Variants in DHX57 observed in about 807,000 individuals in gnomAD.
DHX57 encodes the protein putative ATP-dependent RNA helicase DHX57.
Under a neutral mutation model 156.2 loss-of-function variants are expected in DHX57, and 105 were observed. That is an observed-to-expected ratio of 0.67 (90% CI 0.57 to 0.79). The LOEUF is 0.79. Among genes scored for constraint, DHX57 ranks in the 30% least tolerant of loss-of-function variants. DHX57 has a pLI of 0.00. For missense variants in DHX57, 1,847 were observed against 1,661.9 expected (o/e 1.11, Z -1.94); for synonymous variants, 704 against 595.6 (o/e 1.18, Z -2.65).
intron 13 of DHX57, among the ~76,000 whole-genome samples, chr2:38,830,666 C>A (rs1671334219): frequency 6.6e-6 from 1 of 151,810 alleles, no homozygotes; most frequent in South Asian, 2.1e-4. Context: ...AGTACCCCTA[C>A]TAGTGACTCA....
intron 13 of DHX57, among the ~76,000 whole-genome samples, chr2:38,832,549 ATATTT>A (rs1193032077): frequency 2.7e-4 from 6 of 21,820 alleles, no homozygotes; most frequent in South Asian, 2.0e-3. Flanking sequence ...ATATATATAT[ATATTT>A]TTTTTTTTAG....
Position 38,801,625 on chromosome 2 carries a change from C to T in DHX57, c.4017+1090G>A, listed in dbSNP as rs147245818. ...ATTCATTTTTTTGAGATGGAGTTTC[C>T]CTCTTGTTGCTCAGGCTGGAGTGCA... On this transcript the variant is annotated intron_variant, in intron 23 of 23. Transcript: ENST00000457308. Among the ~76,000 whole-genome samples the T allele has an allele frequency of 3.3e-3, 504 of 150,494 alleles. 1 individual carries two copies. Among genetic ancestry groups the T allele is most frequent in the African/African-American group, 0.012 (480 of 40,904 alleles).
chr2:38,844,688 T>A (rs1190459782), intron 11 of DHX57, among the ~76,000 whole-genome samples: 3 of 124,530 alleles, frequency 2.4e-5, no homozygotes, highest in Admixed American at 7.9e-5. Context: ...AAAGAAATGA[T>A]TAATTTTTAA....
Position 38,848,261 on chromosome 2 carries a change from T to C in DHX57, c.2164+8A>G. On this transcript the variant is annotated splice_region_variant and intron_variant, in intron 10 of 23. Transcript: ENST00000457308. Reference sequence around the variant, plus strand: ...AATGATACATATTTAATGATGCATTTTATTCACCTGGTATAGTAATAACGG... The same window carrying C: ...AATGATACATATTTAATGATGCATTCTATTCACCTGGTATAGTAATAACGG... The C allele has an allele frequency of 6.3e-7, 1 of 1,575,850 alleles. No individual in the cohort carries two copies. Among genetic ancestry groups the C allele is most frequent in the Non-Finnish European group, 8.6e-7 (1 of 1,165,910 alleles).
At chr2:38,837,266 A>G (rs564370770) in intron 13 of DHX57, among the ~76,000 whole-genome samples, 1 of 152,242 alleles carries the variant, frequency 6.6e-6, no homozygotes, top group Admixed American at 6.5e-5. Flanking sequence ...GTTTTACATA[A>G]CAGGATTTAT....
intron 1 of DHX57, among the ~76,000 whole-genome samples, chr2:38,873,584 A>C (rs1399997331): frequency 1.3e-5 from 2 of 152,222 alleles, no homozygotes; most frequent in East Asian, 1.9e-4. Flanking sequence ...ATATGGTAGG[A>C]ATTCAGTATC....
At chr2:38,844,094 C>G (rs895733249) in intron 11 of DHX57, among the ~76,000 whole-genome samples, 2 of 152,030 alleles carry the variant, frequency 1.3e-5, no homozygotes, top group African/African-American at 4.8e-5. Flanking sequence ...TTCCTCCAAC[C>G]CCTTCTCTCC....
chr2:38,803,131 A>G, intron 22 of DHX57: 2 of 554,164 alleles, frequency 3.6e-6, no homozygotes, highest in Non-Finnish European at 6.3e-6. Context: ...TTTAAAAAAA[A>G]AAAAGCTTTT....
At chr2:38,872,691 C>A (rs1380604221) in intron 1 of DHX57, among the ~76,000 whole-genome samples, 2 of 152,132 alleles carry the variant, frequency 1.3e-5, no homozygotes. Flanking sequence ...CAATTAAAAA[C>A]ACATATGTAC....
chr2:38,825,064 T>A (rs890248302), intron 16 of DHX57, among the ~76,000 whole-genome samples: 31 of 151,478 alleles, frequency 2.0e-4, no homozygotes, highest in African/African-American at 5.3e-4. Context: ...GTTCTCATTT[T>A]AAAAAAAAAC....
intron 21 of DHX57, among the ~76,000 whole-genome samples, chr2:38,813,211 C>T (rs1020722813): frequency 6.6e-6 from 1 of 151,852 alleles, no homozygotes; most frequent in African/African-American, 2.4e-5. Context: ...TTCCAACTAA[C>T]ATAGAAAGTT....
chr2:38,870,213 A>C lies in DHX57; in HGVS notation c.-6-1802T>G, dbSNP rs114212765. Among the ~76,000 whole-genome samples, 871 of 152,298 alleles carry C rather than the reference A, an allele frequency of 5.7e-3. 4 individuals are homozygous for C. The highest frequency in any genetic ancestry group is 0.02 in the African/African-American group (835 of 41,580). ...GAAAAGTGAACAGAGCCTTGGAAAA[A>C]TGTGGGACACCATCAAGGGTACCAT... On this transcript the variant is annotated intron_variant, in intron 1 of 23. Coordinates refer to ENST00000457308, the MANE Select transcript of DHX57 (RefSeq NM_198963.3).
chr2:38,865,393 C>A (rs1344858265), intron 2 of DHX57, among the ~76,000 whole-genome samples: 1 of 152,160 alleles, frequency 6.6e-6, no homozygotes, highest in Non-Finnish European at 1.5e-5. Context: ...CTTTCTCCTG[C>A]CACCTTGTGA....
intron 7 of DHX57, 68 bp from the exon 8 acceptor site, chr2:38,855,320 T>C (rs1672843443): frequency 6.7e-7 from 1 of 1,482,998 alleles, no homozygotes; most frequent in Non-Finnish European, 9.4e-7. Context: ...GAAGCAATCA[T>C]ATGGAATGAG....
intron 16 of DHX57, 150 bp downstream of exon 16, chr2:38,825,697 A>G: frequency 1.3e-6 from 1 of 793,752 alleles, no homozygotes. Flanking sequence ...TAAAGGCAAC[A>G]CTAAGGATAT....
Position 38,818,743 on chromosome 2 carries a change from C to T in DHX57, c.3471+134G>A, listed in dbSNP as rs10176932. On this transcript the variant is annotated intron_variant, in intron 19 of 23. Transcript: ENST00000457308. ...CCACAGTGCGGGAGTCCATTTTACA[C>T]GGCTGGTAAGGCCAAACATATTCCA... The T allele has an allele frequency of 0.57, 555,547 of 971,044 alleles. 164,510 individuals carry two copies. Among genetic ancestry groups the T allele is most frequent in the East Asian group, 0.81 (31,220 of 38,492 alleles). 60.2% of individuals were successfully genotyped at this position (971,044 alleles called of 1,614,324 possible). A position where few individuals can be genotyped will look rare whatever the true frequency, so the allele number is the denominator to read the frequency against.
At chr2:38,873,239 C>G (rs1040560956) in intron 1 of DHX57, among the ~76,000 whole-genome samples, 26 of 152,208 alleles carry the variant, frequency 1.7e-4, no homozygotes, top group Non-Finnish European at 3.2e-4. Flanking sequence ...GATCTGTCCA[C>G]CTTGGCCTCC....
At chr2:38,853,939 G>A in intron 9 of DHX57, 115 bp downstream of exon 9, 1 of 1,064,736 alleles carries the variant, frequency 9.4e-7, no homozygotes, top group Non-Finnish European at 1.3e-6. Flanking sequence ...GGCCTTCCTT[G>A]TGGCAAATTA....
rs778102683 is a variant in DHX57 at position 38,847,019 on chromosome 2, C to A, written c.2219G>T (p.Arg740Met). Reference protein sequence around the residue: ...FFLEDAIAVTRYVLQDGSPYM... With the variant: ...FFLEDAIAVTMYVLQDGSPYM... ...GAATCTTAATTAATATCTTCCTTAC[C>A]TTGTCACAGCAATTGCATCTTCCAA... The change falls in exon 11 of 24, where the codon AGG becomes ATG. Residue 740 changes from arginine to methionine, a missense_variant and splice_region_variant. Coordinates refer to ENST00000457308, the MANE Select transcript of DHX57 (RefSeq NM_198963.3). 10 of 1,612,118 alleles carry A rather than the reference C, an allele frequency of 6.2e-6. No individual in the cohort carries two copies. Among genetic ancestry groups the A allele is most frequent in the Non-Finnish European group, 8.5e-6 (10 of 1,178,452 alleles).
Sources: gnomAD v4.1 joint callset for allele counts (sites outside exome capture counted in the v4.1 genomes callset) on GRCh38, gnomAD v4.1.1 for gene constraint, MANE v1.5 for transcripts, NCBI Gene and HGNC (gene_info 2026-07-23, HGNC 2026-07-21) for gene names.